The following SNAPC5 variants were observed in gnomAD, a reference collection of about 807,000 sequenced individuals.
SNAPC5 encodes the protein snRNA-activating protein complex subunit 5.
SNAPC5 carries 12 observed loss-of-function variants against 9.1 expected under a neutral mutation model. The ratio of observed to expected loss-of-function variants is 1.32; its 90% confidence interval spans 0.85 to 2.15. The LOEUF (loss-of-function observed/expected upper bound fraction) is 2.15. SNAPC5 is among the 30% of genes most tolerant of loss of function. The pLI is 0.00. For synonymous variants in SNAPC5, 52 were observed against 47.3 expected (o/e 1.10, Z -0.41); for missense variants, 132 against 114.4 (o/e 1.15, Z -0.70).
intron 1 of SNAPC5, among the ~76,000 whole-genome samples, chr15:66,496,091 T>C (rs192111058): frequency 6.6e-6 from 1 of 151,562 alleles, no homozygotes; most frequent in East Asian, 2.0e-4. Flanking sequence ...AAAATGCTTA[T>C]GATTTTGATA....
intron 1 of SNAPC5, among the ~76,000 whole-genome samples, chr15:66,495,735 CAGAG>C (rs71819220): frequency 0.28 from 42,314 of 151,888 alleles, 6,461 homozygotes; most frequent in South Asian, 0.37. Context: ...TCTGATTCCT[CAGAG>C]AGAGAGATTC....
At chr15:66,490,392 T>G, downstream of SNAPC5, 1 of 849,532 alleles carries the variant, frequency 1.2e-6, no homozygotes, top group South Asian at 1.3e-5. Context: ...AGGTGCTCTT[T>G]CCAAGTGCAG....
In SNAPC5 at chr15:66,495,315, CTTGA is replaced by C. The variant is rs1372868361; in HGVS notation, c.180+11_180+14del. ...CTTTGCATTCTCTCCTAGGCCTGCA[CTTGA>C]TTAAGCTTACATCATGTGACTGTTC... is the stretch of plus-strand genomic sequence containing the variant. On this transcript the variant is annotated intron_variant, in intron 2 of 2. Coordinates refer to ENST00000316634, the MANE Select transcript of SNAPC5 (RefSeq NM_001329615.2). The C allele has an allele frequency of 6.8e-7, 1 of 1,480,334 alleles. No individual in the cohort carries two copies. The highest frequency in any genetic ancestry group is 9.5e-7 in the Non-Finnish European group (1 of 1,057,636). 91.7% of individuals were successfully genotyped at this position (1,480,334 alleles called of 1,614,324 possible).
chr15:66,494,482 A>G lies in SNAPC5; in HGVS notation c.251T>C (p.Val84Ala). 1 of 1,613,954 alleles carries G rather than the reference A, an allele frequency of 6.2e-7. No individual in the cohort carries two copies. The highest frequency in any genetic ancestry group is 8.5e-7 in the Non-Finnish European group (1 of 1,180,000). ...CTCTTCCTCCTCCTCCTCTTCCGTC[A>G]CATGACTCTTTGTGCTCAGCTCCAG... ...TTLELSTKSH[V>A]TEEEEEEEEE... The change falls in exon 3 of 3, where the codon GTG becomes GCG. Residue 84 changes from valine (V) to alanine (A), a missense_variant. Physicochemically the swap from Val to Ala is moderately conservative, Grantham distance 64. Transcript: ENST00000316634.
At chr15:66,489,883 C>A, downstream of SNAPC5, 2 of 883,542 alleles carry the variant, frequency 2.3e-6, no homozygotes, top group South Asian at 2.6e-5. Flanking sequence ...TCCAGCTGAG[C>A]CTGGGGCTGC....
intron 1 of SNAPC5, 179 bp downstream of exon 1, chr15:66,497,463 A>G: frequency 1.5e-6 from 1 of 646,910 alleles, no homozygotes; most frequent in South Asian, 1.7e-5. Context: ...AGAAGCGCAC[A>G]GCAAACTCCC....
At chr15:66,492,971 C>T (rs191333605), downstream of SNAPC5, among the ~76,000 whole-genome samples, 6 of 152,270 alleles carry the variant, frequency 3.9e-5, no homozygotes, top group East Asian at 3.9e-4. Flanking sequence ...AACTCATGCT[C>T]ATATTTTAAA....
At chr15:66,497,565 A>G (rs775395796) in intron 1 of SNAPC5, 77 bp downstream of exon 1, 9 of 1,313,906 alleles carry the variant, frequency 6.8e-6, no homozygotes, top group Non-Finnish European at 9.9e-6. Context: ...GCAGGTGGTC[A>G]CCACAGAGGC....
chr15:66,497,369 G>A, intron 1 of SNAPC5: 1 of 563,480 alleles, frequency 1.8e-6, no homozygotes, highest in East Asian at 2.9e-5. Context: ...ACAGGAAGCA[G>A]CAGGTAGGAC....
chr15:66,494,961 G>A (rs928646740), intron 2 of SNAPC5: 4 of 342,294 alleles, frequency 1.2e-5, no homozygotes, highest in Non-Finnish European at 2.2e-5. Flanking sequence ...TTTTAGCACT[G>A]TGCCTTGTAC....
downstream of SNAPC5, among the ~76,000 whole-genome samples, chr15:66,492,914 A>G (rs1893303482): frequency 6.6e-6 from 1 of 152,166 alleles, no homozygotes; most frequent in African/African-American, 2.4e-5. Context: ...ACAAGTGACC[A>G]GTTTGTGGTA....
chr15:66,492,750 G>C (rs1465796795), downstream of SNAPC5, among the ~76,000 whole-genome samples: 1 of 151,360 alleles, frequency 6.6e-6, no homozygotes, highest in Non-Finnish European at 1.5e-5. Flanking sequence ...GCAGTGTTTT[G>C]AGCTCCCAAT....
chr15:66,497,535 G>A (rs745339597), intron 1 of SNAPC5, 107 bp downstream of exon 1: 1 of 948,686 alleles, frequency 1.1e-6, no homozygotes, highest in Admixed American at 1.7e-5. Context: ...CAGCTAGTGA[G>A]TAGCGGAGAA....
chr15:66,497,562 G>T (rs531566204), intron 1 of SNAPC5, 80 bp downstream of exon 1: 2 of 1,259,680 alleles, frequency 1.6e-6, no homozygotes, highest in Admixed American at 1.7e-5. Flanking sequence ...GCAGCAGGTG[G>T]TCACCACAGA....
At chr15:66,490,880 T>C, downstream of SNAPC5, 1 of 524,218 alleles carries the variant, frequency 1.9e-6, no homozygotes, top group Non-Finnish European at 3.5e-6. Flanking sequence ...TGTGCCAGGC[T>C]GAATTACAGT....
downstream of SNAPC5, chr15:66,491,818 CTT>C: frequency 5.0e-6 from 2 of 397,928 alleles, no homozygotes; most frequent in Non-Finnish European, 9.9e-6. Flanking sequence ...CCTTTGATCT[CTT>C]TTATACAAGG....
chr15:66,497,513 T>C lies in SNAPC5; in HGVS notation c.90+129A>G, dbSNP rs79853683. 8.9e-4 allele frequency: 734 copies of C among 821,940 alleles called. 4 individuals carry two copies. In the African/African-American group the frequency reaches 0.01, roughly 12 times the overall value. 50.9% of individuals were successfully genotyped at this position (821,940 alleles called of 1,614,324 possible). A position where few individuals can be genotyped will look rare whatever the true frequency, so the allele number is the denominator to read the frequency against. On this transcript the variant is annotated intron_variant, in intron 1 of 2. Transcript: ENST00000316634. ...ACCTGTTTGTTTGTAAACCTCTAAA[T>C]TGGCGCCACCACAGCTAGTGAGTAG...
chr15:66,490,659 T>G, downstream of SNAPC5: 1 of 1,494,868 alleles, frequency 6.7e-7, no homozygotes, highest in African/African-American at 1.4e-5. Flanking sequence ...CCCGGTGGTT[T>G]GCCATGTCGC....
chr15:66,494,469 CTCCTCT>C lies in SNAPC5; in HGVS notation c.258_263del (p.Glu94_Glu95del), dbSNP rs1369773924. On this transcript the variant is annotated inframe_deletion, in exon 3 of 3. Coordinates refer to ENST00000316634, the MANE Select transcript of SNAPC5 (RefSeq NM_001329615.2). The stretch of plus-strand genomic sequence containing the variant: ...CTGATTCTTCTTCCTCTTCCTCCTC[CTCCTCT>C]TCCGTCACATGACTCTTTGTGCTCA... The C allele has an allele frequency of 8.1e-6, 13 of 1,613,482 alleles. No homozygotes were observed. In the African/African-American group the frequency reaches 1.3e-4, roughly 17 times the overall value.
Sources: gnomAD v4.1 joint callset for allele counts (sites outside exome capture counted in the v4.1 genomes callset) on GRCh38, gnomAD v4.1.1 for gene constraint, MANE v1.5 for transcripts, NCBI Gene and HGNC (gene_info 2026-07-23, HGNC 2026-07-21) for gene names.